Variants in DPP6 observed in about 807,000 individuals in gnomAD.
DPP6 encodes A-type potassium channel modulatory protein DPP6.
A neutral mutation model predicts 122.6 loss-of-function variants in DPP6; 69 were observed. The ratio of observed to expected loss-of-function variants is 0.56; its 90% CI spans 0.46 to 0.69. The LOEUF is 0.69. Ranked by LOEUF, DPP6 falls within the 30% of genes least tolerant of loss-of-function variation. The pLI is 0.00. For missense variants in DPP6, 928 were observed against 1,116.9 expected, an observed-to-expected ratio of 0.83 and a Z score of 2.41; for synonymous variants, 418 against 433.1, an observed-to-expected ratio of 0.97 and a Z score of 0.43.
intron 4 of DPP6, among the ~76,000 whole-genome samples, chr7:154,548,712 G>A (rs1387820823): frequency 6.6e-6 from 1 of 152,022 alleles, no homozygotes; most frequent in Non-Finnish European, 1.5e-5. Flanking sequence ...GGTGGTGGGT[G>A]GATACAGTGA....
chr7:153,886,714 G>C (rs2128991074), upstream of DPP6, among the ~76,000 whole-genome samples: 1 of 152,308 alleles, frequency 6.6e-6, no homozygotes, highest in Middle Eastern at 3.4e-3. Context: ...CAACCATGGA[G>C]ACGCGACGTG....
intron 16 of DPP6, among the ~76,000 whole-genome samples, chr7:154,810,248 C>A (rs1798965172): frequency 6.6e-6 from 1 of 152,234 alleles, no homozygotes; most frequent in Non-Finnish European, 1.5e-5. Flanking sequence ...CTCATTCTGA[C>A]AACTGGAAGC....
chr7:154,694,724 T>C (rs1429523546), intron 7 of DPP6, among the ~76,000 whole-genome samples: 1 of 152,182 alleles, frequency 6.6e-6, no homozygotes, highest in East Asian at 1.9e-4. Flanking sequence ...GCTTCTGATC[T>C]CTCAAGGCCC....
intron 3 of DPP6, among the ~76,000 whole-genome samples, chr7:154,498,986 G>A (rs1455592921): frequency 6.6e-6 from 1 of 152,218 alleles, no homozygotes; most frequent in East Asian, 1.9e-4. Context: ...AGGCAGGTGA[G>A]TTTGTTGGCA....
intron 1 of DPP6, among the ~76,000 whole-genome samples, chr7:154,098,420 G>A (rs1166941675): frequency 1.3e-5 from 2 of 152,114 alleles, no homozygotes; most frequent in Non-Finnish European, 1.5e-5. Flanking sequence ...ACTAATACAG[G>A]TATCAAAGAA....
intron 9 of DPP6, among the ~76,000 whole-genome samples, chr7:154,771,536 T>C (rs1249412195): frequency 3.3e-5 from 5 of 152,204 alleles, no homozygotes; most frequent in Non-Finnish European, 7.3e-5. Context: ...TACTTCCAAA[T>C]AGCATCACAC....
intron 7 of DPP6, among the ~76,000 whole-genome samples, chr7:154,727,173 G>C (rs1428619569): frequency 1.3e-5 from 2 of 152,184 alleles, no homozygotes. Flanking sequence ...TTTAAAAAGA[G>C]GTTTAATTGA....
intron 1 of DPP6, among the ~76,000 whole-genome samples, chr7:153,912,117 A>T (rs781569539): frequency 2.0e-4 from 30 of 152,366 alleles, no homozygotes; most frequent in Admixed American, 5.2e-4. Flanking sequence ...GCCAAAAAAA[A>T]ATATGTACAC....
At chr7:153,841,386 G>A in the DPP6 span, among the ~76,000 whole-genome samples, 1 of 152,176 alleles carries the variant, frequency 6.6e-6, no homozygotes, top group South Asian at 2.1e-4. Flanking sequence ...CCTTCTTCAA[G>A]ATCCAAGATT....
In DPP6 at chr7:154,484,853, GTA is replaced by G. The variant is rs1292921863; in HGVS notation, c.457+9820_457+9821del. 3.3e-5 allele frequency among the ~76,000 whole-genome samples: 5 copies of G among 152,184 alleles called. No individual in the cohort carries two copies. The East Asian group carries it at 7.7e-4, about 23-fold the overall frequency. The stretch of plus-strand genomic sequence containing the variant: ...CAGCTGGCTGGTTGATACTGGAAAA[GTA>G]TATGTTTCAGAAGATAAAATTGGAG... On this transcript the variant is annotated intron_variant, in intron 3 of 25. Coordinates refer to ENST00000377770, the MANE Select transcript of DPP6 (RefSeq NM_130797.4).
intron 7 of DPP6, among the ~76,000 whole-genome samples, chr7:154,702,261 A>C (rs2131269048): frequency 6.6e-6 from 1 of 152,378 alleles, no homozygotes; most frequent in Non-Finnish European, 1.5e-5. Flanking sequence ...ATATTGAATT[A>C]GGCCAATAAT....
chr7:154,773,837 A>G (rs1394041420), intron 10 of DPP6, among the ~76,000 whole-genome samples: 1 of 152,150 alleles, frequency 6.6e-6, no homozygotes, highest in Non-Finnish European at 1.5e-5. Flanking sequence ...TCGAGGCCTC[A>G]GGTCTAGCTC....
At chr7:154,530,690 A>G (rs998239565) in intron 3 of DPP6, among the ~76,000 whole-genome samples, 8 of 152,218 alleles carry the variant, frequency 5.3e-5, no homozygotes, top group Non-Finnish European at 8.8e-5. Flanking sequence ...ATATGTACAC[A>G]TGTATGTTCA....
At chr7:154,462,881 A>G (rs1472326915) in intron 2 of DPP6, among the ~76,000 whole-genome samples, 2 of 140,056 alleles carry the variant, frequency 1.4e-5, no homozygotes, top group African/African-American at 5.4e-5. Context: ...ATTCCCACCT[A>G]TGAGTGTTTT....
chr7:153,960,408 G>A (rs531630652), intron 1 of DPP6, among the ~76,000 whole-genome samples: 19 of 152,250 alleles, frequency 1.2e-4, no homozygotes, highest in South Asian at 2.1e-4. Flanking sequence ...CTTAATAGCC[G>A]CACCCCAAGT....
At chr7:153,935,421 A>G (rs1368726838) in intron 1 of DPP6, among the ~76,000 whole-genome samples, 2 of 152,002 alleles carry the variant, frequency 1.3e-5, no homozygotes, top group African/African-American at 2.4e-5. Flanking sequence ...AATCCCACGT[A>G]CACCGGCCTA....
At chr7:154,272,014 A>G (rs773558160) in intron 1 of DPP6, among the ~76,000 whole-genome samples, 1 of 149,914 alleles carries the variant, frequency 6.7e-6, no homozygotes, top group East Asian at 1.9e-4. Flanking sequence ...GGTTTCAAGG[A>G]AAAAGTTCTC....
chr7:153,972,432 C>T (rs1796069707), intron 1 of DPP6, among the ~76,000 whole-genome samples: 2 of 152,058 alleles, frequency 1.3e-5, no homozygotes, highest in Non-Finnish European at 2.9e-5. Flanking sequence ...AAGCATGGGG[C>T]TAGCTCCTCT....
chr7:154,359,738 G>A (rs1224504322), intron 1 of DPP6, among the ~76,000 whole-genome samples: 1 of 152,210 alleles, frequency 6.6e-6, no homozygotes, highest in Non-Finnish European at 1.5e-5. Context: ...AGATGGGTGA[G>A]CATGGAACTC....
Sources: allele counts gnomAD v4.1 joint callset (sites outside exome capture counted in the v4.1 genomes callset), GRCh38; gene constraint gnomAD v4.1.1; transcripts MANE v1.5; gene names NCBI Gene and HGNC (gene_info 2026-07-23, HGNC 2026-07-21).